Variants in NRXN3 observed in about 807,000 individuals in gnomAD.
NRXN3 encodes the protein neurexin 3.
NRXN3 carries 32 observed loss-of-function variants against 137.6 expected under a neutral mutation model. That is an observed-to-expected ratio of 0.23 (90% CI 0.18 to 0.31). The LOEUF (loss-of-function observed/expected upper bound fraction) is 0.31. NRXN3 is among the 10% of genes least tolerant of loss of function. NRXN3 has a pLI of 1.00. For missense variants in NRXN3, 1,574 were observed against 2,062.5 expected (o/e 0.76, Z 4.59); for synonymous variants, 798 against 784.5 (o/e 1.02, Z -0.29).
At chr14:78,738,737 T>G (rs1270556201) in intron 8 of NRXN3, among the ~76,000 whole-genome samples, 1 of 152,236 alleles carries the variant, frequency 6.6e-6, no homozygotes, top group Non-Finnish European at 1.5e-5. Context: ...TTATCTATTT[T>G]ATGATTTTGC....
intron 4 of NRXN3, among the ~76,000 whole-genome samples, chr14:78,347,476 G>C (rs941388130): frequency 6.6e-6 from 1 of 152,172 alleles, no homozygotes; most frequent in African/African-American, 2.4e-5. Context: ...ATAGAGACAA[G>C]ACAATGTATA....
At chr14:79,368,148 A>G (rs774618449) in intron 15 of NRXN3, among the ~76,000 whole-genome samples, 7 of 152,210 alleles carry the variant, frequency 4.6e-5, no homozygotes, top group Non-Finnish European at 1.0e-4. Flanking sequence ...TTGGGCCAGA[A>G]CAAGGGGACA....
chr14:78,841,492 A>G (rs1245647052), intron 10 of NRXN3, among the ~76,000 whole-genome samples: 1 of 152,022 alleles, frequency 6.6e-6, no homozygotes, highest in African/African-American at 2.4e-5. Flanking sequence ...CTGTCTGGAA[A>G]GGCTTGTAGG....
intron 17 of NRXN3, among the ~76,000 whole-genome samples, chr14:79,686,261 G>A (rs1181422458): frequency 1.3e-5 from 2 of 151,960 alleles, no homozygotes; most frequent in East Asian, 3.9e-4. Flanking sequence ...AAAGATAGTT[G>A]GACATGATAA....
At chr14:78,985,521 A>G (rs1017303661) in intron 14 of NRXN3, among the ~76,000 whole-genome samples, 1 of 152,240 alleles carries the variant, frequency 6.6e-6, no homozygotes, top group African/African-American at 2.4e-5. Flanking sequence ...TGAAGAAGGC[A>G]TTCAGGCTGG....
chr14:78,868,216 A>T (rs1362853421), intron 10 of NRXN3, among the ~76,000 whole-genome samples: 3 of 151,894 alleles, frequency 2.0e-5, no homozygotes, highest in African/African-American at 7.3e-5. Flanking sequence ...TCCCCATATA[A>T]TTTAGGGCAA....
chr14:79,249,747 T>A (rs1488319010), intron 15 of NRXN3, among the ~76,000 whole-genome samples: 1 of 152,194 alleles, frequency 6.6e-6, no homozygotes, highest in African/African-American at 2.4e-5. Context: ...TATGATGTGA[T>A]CTATACAGCT....
chr14:78,581,080 T>C (rs2096990104), intron 4 of NRXN3, among the ~76,000 whole-genome samples: 1 of 152,176 alleles, frequency 6.6e-6, no homozygotes, highest in African/African-American at 2.4e-5. Flanking sequence ...GTGAATTAGG[T>C]ATAATTCAAT....
intron 19 of NRXN3, among the ~76,000 whole-genome samples, chr14:79,702,524 G>T (rs1056358952): frequency 1.5e-4 from 23 of 151,980 alleles, no homozygotes; most frequent in African/African-American, 5.3e-4. Context: ...TCAAATGTCA[G>T]CCAGAAGCTA....
chr14:79,660,432 T>A (rs1476508881), intron 16 of NRXN3, among the ~76,000 whole-genome samples: 1 of 152,142 alleles, frequency 6.6e-6, no homozygotes, highest in African/African-American at 2.4e-5. Flanking sequence ...CTCCACTGAC[T>A]TTAGCAGTGA....
intron 14 of NRXN3, among the ~76,000 whole-genome samples, chr14:78,971,665 C>T (rs916651500): frequency 2.6e-5 from 4 of 152,130 alleles, no homozygotes; most frequent in African/African-American, 4.8e-5. Flanking sequence ...GACGGAGTTT[C>T]GCTCTTGTTG....
At chr14:78,215,592 T>C (rs2063169340) in intron 1 of NRXN3, among the ~76,000 whole-genome samples, 1 of 151,972 alleles carries the variant, frequency 6.6e-6, no homozygotes, top group African/African-American at 2.4e-5. Flanking sequence ...GCAACAAAGG[T>C]TGTGGAAATT....
intron 1 of NRXN3, among the ~76,000 whole-genome samples, chr14:78,179,209 A>G (rs1374534483): frequency 2.0e-5 from 3 of 152,136 alleles, no homozygotes; most frequent in Non-Finnish European, 4.4e-5. Flanking sequence ...AAGGGATGCC[A>G]GGTCTGCTGC....
chr14:78,254,029 G>A (rs1003573477), intron 2 of NRXN3, among the ~76,000 whole-genome samples: 6 of 152,182 alleles, frequency 3.9e-5, no homozygotes, highest in Admixed American at 6.5e-5. Context: ...TCTGAATGAT[G>A]CTTCGCAGGA....
chr14:78,842,125 C>T (rs774595973), intron 10 of NRXN3, among the ~76,000 whole-genome samples: 1 of 152,094 alleles, frequency 6.6e-6, no homozygotes, highest in Non-Finnish European at 1.5e-5. Flanking sequence ...TTTCTTGTGC[C>T]TCCTATAAGA....
At chr14:79,551,958 G>A (rs956772266) in intron 16 of NRXN3, among the ~76,000 whole-genome samples, 10 of 152,092 alleles carry the variant, frequency 6.6e-5, no homozygotes, top group African/African-American at 1.7e-4. Context: ...ACTGCTTTTC[G>A]TCATTAGCCC....
chr14:78,274,520 C>T (rs1054032930), intron 2 of NRXN3, among the ~76,000 whole-genome samples: 3 of 152,170 alleles, frequency 2.0e-5, no homozygotes, highest in Non-Finnish European at 4.4e-5. Flanking sequence ...ACGGGAACTA[C>T]AATTCAAGAT....
At chr14:78,752,636 T>C (rs2098648535) in intron 8 of NRXN3, among the ~76,000 whole-genome samples, 1 of 152,076 alleles carries the variant, frequency 6.6e-6, no homozygotes, top group Non-Finnish European at 1.5e-5. Flanking sequence ...TAAAGTGAGA[T>C]TTTAAGTAAG....
intron 1 of NRXN3, among the ~76,000 whole-genome samples, chr14:78,224,790 C>T (rs1488482286): frequency 6.5e-5 from 7 of 107,694 alleles, no homozygotes; most frequent in African/African-American, 7.1e-5. Flanking sequence ...GACGGAGTCT[C>T]GCTCTGTCGC....
Sources: gnomAD v4.1 joint callset for allele counts (sites outside exome capture counted in the v4.1 genomes callset) on GRCh38, gnomAD v4.1.1 for gene constraint, MANE v1.5 for transcripts, NCBI Gene and HGNC (gene_info 2026-07-23, HGNC 2026-07-21) for gene names.